Variants in MACROD2 observed in about 807,000 individuals in gnomAD.
MACROD2 encodes the protein mono-ADP ribosylhydrolase 2.
In MACROD2, 36 loss-of-function variants were observed where a neutral mutation model predicts 70.4. That is an observed-to-expected ratio of 0.51 (90% CI 0.39 to 0.68). The LOEUF is 0.68. Ranked by LOEUF, MACROD2 falls within the 30% of genes least tolerant of loss-of-function variation. The pLI, the probability that MACROD2 is intolerant of heterozygous loss-of-function variation, is 0.00. For missense variants in MACROD2, 496 were observed against 538.4 expected, an observed-to-expected ratio of 0.92 and a Z score of 0.78; for synonymous variants, 172 against 178.8, an observed-to-expected ratio of 0.96 and a Z score of 0.30.
intron 3 of MACROD2, among the ~76,000 whole-genome samples, chr20:14,215,278 T>C (rs906953538): frequency 2.7e-5 from 4 of 150,516 alleles, no homozygotes; most frequent in Admixed American, 6.7e-5. Context: ...ATATATGTTC[T>C]ATCATATATG....
chr20:15,592,597 G>A (rs2048693871), intron 8 of MACROD2, among the ~76,000 whole-genome samples: 1 of 152,194 alleles, frequency 6.6e-6, no homozygotes, highest in Non-Finnish European at 1.5e-5. Context: ...TCTTGCAGAA[G>A]CTCTCAGTAA....
chr20:14,786,244 G>A (rs2072372683), intron 5 of MACROD2, among the ~76,000 whole-genome samples: 1 of 150,020 alleles, frequency 6.7e-6, no homozygotes, highest in Non-Finnish European at 1.5e-5. Context: ...GAGAATATGA[G>A]GGAAGAGGCC....
intron 6 of MACROD2, among the ~76,000 whole-genome samples, chr20:15,257,706 A>G (rs1360019577): frequency 6.6e-6 from 1 of 152,078 alleles, no homozygotes; most frequent in Non-Finnish European, 1.5e-5. Context: ...CAGCACATAT[A>G]TATGTATAGC....
intron 6 of MACROD2, among the ~76,000 whole-genome samples, chr20:15,311,050 G>A (rs111542473): frequency 0.034 from 5,171 of 152,216 alleles, 134 homozygotes; most frequent in Non-Finnish European, 0.056. Flanking sequence ...AATAGAATAG[G>A]TAAAGACTTA....
intron 15 of MACROD2, among the ~76,000 whole-genome samples, chr20:16,025,185 G>A (rs2067060475): frequency 6.6e-6 from 1 of 152,190 alleles, no homozygotes; most frequent in African/African-American, 2.4e-5. Context: ...CCTGGAACAA[G>A]AGGTTAAATG....
intron 6 of MACROD2, among the ~76,000 whole-genome samples, chr20:15,294,912 T>C (rs1188345293): frequency 6.6e-6 from 1 of 152,218 alleles, no homozygotes; most frequent in Non-Finnish European, 1.5e-5. Flanking sequence ...AAAACCATGG[T>C]GAGAAGTTTC....
intron 6 of MACROD2, among the ~76,000 whole-genome samples, chr20:15,314,356 C>G (rs2077786407): frequency 6.6e-6 from 1 of 152,058 alleles, no homozygotes; most frequent in Non-Finnish European, 1.5e-5. Context: ...TTTGGGAGGC[C>G]AAGGTGGGAA....
At chr20:15,184,828 C>G (rs149416715) in intron 5 of MACROD2, among the ~76,000 whole-genome samples, 11 of 152,312 alleles carry the variant, frequency 7.2e-5, no homozygotes, top group Admixed American at 6.5e-4. Context: ...ATTAGAAATA[C>G]GCTTGCCCTT....
At chr20:15,771,715 T>C (rs527998601) in intron 8 of MACROD2, among the ~76,000 whole-genome samples, 1 of 152,148 alleles carries the variant, frequency 6.6e-6, no homozygotes, top group Non-Finnish European at 1.5e-5. Context: ...TTGAGATTGT[T>C]ATTTGCAAGC....
chr20:15,252,677 G>A, intron 6 of MACROD2, among the ~76,000 whole-genome samples: 1 of 152,158 alleles, frequency 6.6e-6, no homozygotes, highest in South Asian at 2.1e-4. Context: ...TTCATATTTT[G>A]GATATGAAAA....
intron 5 of MACROD2, among the ~76,000 whole-genome samples, chr20:14,955,271 T>G (rs2074525120): frequency 7.2e-6 from 1 of 137,998 alleles, no homozygotes; most frequent in African/African-American, 2.6e-5. Context: ...AATATAATTT[T>G]TATTATATAT....
At chr20:15,900,065 T>C (rs991336470) in intron 10 of MACROD2, among the ~76,000 whole-genome samples, 1 of 152,182 alleles carries the variant, frequency 6.6e-6, no homozygotes, top group Non-Finnish European at 1.5e-5. Context: ...TGTGAGTGGC[T>C]GGACAGAAGG....
At chr20:14,910,874 T>G (rs1230871003) in intron 5 of MACROD2, among the ~76,000 whole-genome samples, 1 of 152,218 alleles carries the variant, frequency 6.6e-6, no homozygotes, top group Non-Finnish European at 1.5e-5. Flanking sequence ...TAGAGCGAAG[T>G]CTTCTCAACT....
intron 4 of MACROD2, among the ~76,000 whole-genome samples, chr20:14,500,627 T>C (rs1185495750): frequency 1.3e-5 from 2 of 152,222 alleles, no homozygotes; most frequent in Admixed American, 1.3e-4. Flanking sequence ...TCTTCTATTG[T>C]AATGGCAATT....
intron 8 of MACROD2, among the ~76,000 whole-genome samples, chr20:15,843,130 A>G (rs1168300618): frequency 6.6e-6 from 1 of 152,192 alleles, no homozygotes; most frequent in African/African-American, 2.4e-5. Flanking sequence ...AGTGACTTAA[A>G]TGAGGTAATC....
At position 15,531,335 on chromosome 20, in the gene MACROD2, CAT is replaced by C. The variant is rs140419303; in HGVS notation, c.645+31489_645+31490del. Among the ~76,000 whole-genome samples, 956 of 151,574 alleles carry C rather than the reference CAT, an allele frequency of 6.3e-3. 11 individuals are homozygous for C. The highest frequency in any genetic ancestry group is 0.051 in the East Asian group (261 of 5,166). The stretch of plus-strand genomic sequence containing the variant: ...AACATAAACAAAAATAAAATATAAA[CAT>C]GTATTATTTATGTTAATTTTCTCTT... On this transcript the variant is annotated intron_variant, in intron 8 of 17. Coordinates refer to ENST00000684519, the MANE Select transcript of MACROD2 (RefSeq NM_001351661.2).
At chr20:14,466,802 C>T (rs1012786094) in intron 3 of MACROD2, among the ~76,000 whole-genome samples, 1 of 152,108 alleles carries the variant, frequency 6.6e-6, no homozygotes, top group Admixed American at 6.6e-5. Flanking sequence ...AGGTCCACTC[C>T]AGACCCTGTT....
Position 16,052,386 on chromosome 20 carries a change from A to G in MACROD2, c.*2510A>G, listed in dbSNP as rs1226105348. 1 of 152,222 alleles carries G rather than the reference A, an allele frequency of 6.6e-6. No individual in the cohort carries two copies. The highest frequency in any genetic ancestry group is 1.5e-5 in the Non-Finnish European group (1 of 68,046). The allele number at this position is 152,222 out of a possible 1,614,324, so 9.4% of individuals were successfully genotyped here. A position where few individuals can be genotyped will look rare whatever the true frequency, so the allele number is the denominator to read the frequency against. ...AGCTGATTGATTTTCCCGCACATAA[A>G]TTCTGGATGTCAATTTCCAACCAAA... On this transcript the variant is annotated 3_prime_UTR_variant, in exon 18 of 18. Coordinates refer to ENST00000684519, the MANE Select transcript of MACROD2 (RefSeq NM_001351661.2).
At chr20:15,100,549 C>T (rs568526363) in intron 5 of MACROD2, among the ~76,000 whole-genome samples, 2 of 152,248 alleles carry the variant, frequency 1.3e-5, no homozygotes, top group South Asian at 4.2e-4. Context: ...ACACAGAATA[C>T]CACATAAGCA....
Sources: gnomAD v4.1 joint callset for allele counts (sites outside exome capture counted in the v4.1 genomes callset) on GRCh38, gnomAD v4.1.1 for gene constraint, MANE v1.5 for transcripts, NCBI Gene and HGNC (gene_info 2026-07-23, HGNC 2026-07-21) for gene names.